Variants in WWP2 observed in about 807,000 individuals in gnomAD.
The protein encoded by WWP2 is NEDD4-like E3 ubiquitin-protein ligase WWP2.
A neutral mutation model predicts 121.0 loss-of-function variants in WWP2; 57 were observed. That is an observed-to-expected ratio of 0.47 (90% confidence interval 0.38 to 0.59). The LOEUF is 0.59. Among genes scored for constraint, WWP2 ranks in the 20% least tolerant of loss-of-function variants. The pLI is 0.00. For missense variants in WWP2, 962 were observed against 1,158.9 expected, an observed-to-expected ratio of 0.83 and a Z score of 2.47; for synonymous variants, 449 against 441.3, an observed-to-expected ratio of 1.02 and a Z score of -0.22.
intron 8 of WWP2, among the ~76,000 whole-genome samples, chr16:69,893,062 T>G (rs1478837319): frequency 1.3e-5 from 2 of 152,210 alleles, no homozygotes; most frequent in Admixed American, 6.5e-5. Flanking sequence ...TCACCCTCTC[T>G]CCGGACTTAG....
intron 7 of WWP2, among the ~76,000 whole-genome samples, chr16:69,887,683 G>A (rs1319376498): frequency 3.3e-5 from 5 of 152,188 alleles, no homozygotes; most frequent in Non-Finnish European, 7.3e-5. Context: ...TGGGATTACA[G>A]TTGTGAGCCA....
intron 9 of WWP2, among the ~76,000 whole-genome samples, chr16:69,914,071 CAAAAAAAAAAAA>C (rs34269202): frequency 3.1e-5 from 1 of 32,208 alleles, no homozygotes; most frequent in African/African-American, 1.1e-4. Flanking sequence ...GACTCTGTCT[CAAAAAAAAAAAA>C]AAAAAAAAAA....
At chr16:69,806,614 T>G (rs945177207) in intron 4 of WWP2, among the ~76,000 whole-genome samples, 16 of 152,318 alleles carry the variant, frequency 1.1e-4, no homozygotes, top group Middle Eastern at 3.4e-3. Flanking sequence ...TTCAGCTTCT[T>G]TGTTTCGTCT....
At chr16:69,932,295 A>C (rs1352694100) in intron 16 of WWP2, among the ~76,000 whole-genome samples, 1 of 152,200 alleles carries the variant, frequency 6.6e-6, no homozygotes, top group Admixed American at 6.5e-5. Flanking sequence ...GTGCCATTGC[A>C]CTCCATCCTG....
chr16:69,782,175 A>C (rs2055678072), intron 1 of WWP2, among the ~76,000 whole-genome samples: 1 of 152,044 alleles, frequency 6.6e-6, no homozygotes, highest in Non-Finnish European at 1.5e-5. Context: ...CCCAGCTACC[A>C]GGGAGGCTGA....
intron 4 of WWP2, among the ~76,000 whole-genome samples, chr16:69,812,566 T>C (rs1454341255): frequency 1.4e-5 from 2 of 147,194 alleles, no homozygotes; most frequent in Non-Finnish European, 1.5e-5. Context: ...GCAGCCTCTA[T>C]CTCCTGGGCT....
intron 1 of WWP2, among the ~76,000 whole-genome samples, chr16:69,766,555 A>C (rs910013828): frequency 4.0e-5 from 6 of 150,140 alleles, no homozygotes; most frequent in African/African-American, 9.8e-5. Flanking sequence ...TCCTCTCTCC[A>C]CTCCTGCTTA....
At chr16:69,789,228 TTTTG>T (rs1490373915) in intron 2 of WWP2, among the ~76,000 whole-genome samples, 2 of 151,888 alleles carry the variant, frequency 1.3e-5, no homozygotes, top group Non-Finnish European at 2.9e-5. Flanking sequence ...TGGCTAACTT[TTTTG>T]TTTGTTTGTT....
intron 8 of WWP2, among the ~76,000 whole-genome samples, chr16:69,899,726 CA>C (rs35485826): frequency 1.6e-3 from 105 of 64,744 alleles, no homozygotes; most frequent in African/African-American, 2.9e-3. Context: ...GACTCCGTCT[CA>C]AAAAAAAAAA....
chr16:69,789,913 T>C (rs8062076), intron 2 of WWP2, among the ~76,000 whole-genome samples: 132,037 of 152,240 alleles, frequency 0.87, 57,495 homozygotes, highest in Admixed American at 0.92. Flanking sequence ...ACTTTACTAA[T>C]AGCCTGCTGT....
At chr16:69,892,660 A>G (rs2058048036) in intron 8 of WWP2, among the ~76,000 whole-genome samples, 1 of 152,060 alleles carries the variant, frequency 6.6e-6, no homozygotes, top group Non-Finnish European at 1.5e-5. Context: ...CAGCCTCCTG[A>G]GTAGCTGGGA....
intron 6 of WWP2, among the ~76,000 whole-genome samples, chr16:69,861,435 G>C (rs992857603): frequency 6.6e-6 from 1 of 152,178 alleles, no homozygotes; most frequent in East Asian, 1.9e-4. Flanking sequence ...GTGCGCAAAA[G>C]GAAATTGTTT....
At chr16:69,928,124 C>G (rs1438686660) in intron 11 of WWP2, among the ~76,000 whole-genome samples, 1 of 152,128 alleles carries the variant, frequency 6.6e-6, no homozygotes, top group Non-Finnish European at 1.5e-5. Flanking sequence ...CACTGCAGCT[C>G]GAGTCTTGGA....
intron 9 of WWP2, among the ~76,000 whole-genome samples, chr16:69,915,338 G>T (rs2058463607): frequency 6.6e-6 from 1 of 152,210 alleles, no homozygotes; most frequent in Non-Finnish European, 1.5e-5. Context: ...GATAGTTGAG[G>T]GATGGAATGC....
chr16:69,916,051 A>C (rs1348835923), intron 9 of WWP2, among the ~76,000 whole-genome samples: 1 of 146,790 alleles, frequency 6.8e-6, no homozygotes, highest in Admixed American at 6.9e-5. Context: ...AAAAAAAAAA[A>C]TCTTTGGTAA....
chr16:69,766,415 G>C (rs953297332), intron 1 of WWP2, among the ~76,000 whole-genome samples: 3 of 152,140 alleles, frequency 2.0e-5, no homozygotes, highest in Non-Finnish European at 4.4e-5. Context: ...GGTGGATCCT[G>C]TCCACTCCAC....
At chr16:69,846,090 C>T (rs888731726) in intron 6 of WWP2, among the ~76,000 whole-genome samples, 2 of 126,464 alleles carry the variant, frequency 1.6e-5, no homozygotes, top group Non-Finnish European at 3.4e-5. Flanking sequence ...TCTGGTCTGG[C>T]ACATGGAAGC....
chr16:69,817,136 C>T (rs988013119), intron 4 of WWP2, among the ~76,000 whole-genome samples: 1 of 151,862 alleles, frequency 6.6e-6, no homozygotes, highest in Non-Finnish European at 1.5e-5. Context: ...ATGCCTTTTT[C>T]CCCCCAAATG....
intron 7 of WWP2, among the ~76,000 whole-genome samples, chr16:69,886,981 T>C (rs1370105227): frequency 1.3e-5 from 2 of 152,238 alleles, no homozygotes; most frequent in Admixed American, 6.5e-5. Flanking sequence ...TGCAATCATA[T>C]ATATGGAAAA....
Sources: gnomAD v4.1 joint callset for allele counts (sites outside exome capture counted in the v4.1 genomes callset) on GRCh38, gnomAD v4.1.1 for gene constraint, MANE v1.5 for transcripts, NCBI Gene and HGNC (gene_info 2026-07-23, HGNC 2026-07-21) for gene names.